Variants in GPR155 observed in about 807,000 individuals in gnomAD.
The protein encoded by GPR155 is G protein-coupled receptor 155, also known as lysosomal cholesterol signaling protein.
In GPR155, 65 loss-of-function variants were observed where a neutral mutation model predicts 93.1. The ratio of observed to expected loss-of-function variants is 0.70; its 90% CI spans 0.57 to 0.86. GPR155 has a LOEUF of 0.86. GPR155 is among the 40% of genes least tolerant of loss of function. GPR155 has a pLI of 0.00. For missense variants in GPR155, 838 were observed against 1,034.8 expected, an observed-to-expected ratio of 0.81 and a Z score of 2.61; for synonymous variants, 319 against 360.1, an observed-to-expected ratio of 0.89 and a Z score of 1.29.
Position 174,461,503 on chromosome 2 carries a change from A to G in GPR155, c.1470-11T>C. 1 of 1,601,590 alleles carries G rather than the reference A, an allele frequency of 6.2e-7. No homozygotes were observed. The highest frequency in any genetic ancestry group is 1.1e-5 in the South Asian group (1 of 90,816). ...AGGAGAGCAGGAATTCTGTAATCAC[A>G]AGTGATATTGGGAGAGAAAAAGAAA... On this transcript the variant is annotated splice_polypyrimidine_tract_variant and intron_variant, in intron 8 of 15. Transcript: ENST00000392552.
rs1686652527 is a variant in GPR155 at position 174,431,815 on chromosome 2, TC to T, written c.*4300del. ...ATATAAAACACTAGTTTCACATTTT[TC>T]TTGCTTTAGAAATTTACTGACCATT... On this transcript the variant is annotated 3_prime_UTR_variant, in exon 16 of 16. Coordinates refer to ENST00000392552, the MANE Select transcript of GPR155 (RefSeq NM_152529.7). The T allele has an allele frequency of 6.6e-6, 1 of 151,818 alleles. No homozygotes were observed. Among genetic ancestry groups the T allele is most frequent in the African/African-American group, 2.4e-5 (1 of 41,412 alleles). The allele number at this position is 151,818 out of a possible 1,614,324, so 9.4% of individuals were successfully genotyped here.
In GPR155 at chr2:174,453,845, T is replaced by A. The variant is rs749245856; in HGVS notation, c.1772-4A>T. ...CCCATGGAGCAGGAGCAGCAACCTA[T>A]ATCAATCAAATAGTATGTGAGAGTA... On this transcript the variant is annotated splice_polypyrimidine_tract_variant and splice_region_variant and intron_variant, in intron 10 of 15. Transcript: ENST00000392552. 1.3e-6 allele frequency: 2 copies of A among 1,596,850 alleles called. No individual in the cohort carries two copies. The highest frequency in any genetic ancestry group is 2.2e-5 in the South Asian group (2 of 90,756).
In GPR155 at chr2:174,481,630, G is replaced by A. The variant is rs768149648; in HGVS notation, c.327C>T (p.Ala109=). The A allele has an allele frequency of 1.2e-6, 2 of 1,613,304 alleles. No homozygotes were observed. The highest frequency in any genetic ancestry group is 2.2e-5 in the South Asian group (2 of 91,042). Residue 109 remains alanine (A), a synonymous_variant, in exon 2 of 16, where the codon GCC becomes GCT. Coordinates refer to ENST00000392552, the MANE Select transcript of GPR155 (RefSeq NM_152529.7). The stretch of plus-strand genomic sequence containing the variant: ...ATACAATGAAAAATACAGAAGCTTT[G>A]GCAATTAAGATACTATATAGGAAGG... ...DWSFLYSILI[A]KASVFFIVCV...
In GPR155 at chr2:174,470,367, C is replaced by T. The variant is rs773650847; in HGVS notation, c.1026+23G>A. ...TTTTTCGACTAAACACACCATCAAA[C>T]TTAGAAAGTACTATATACATACAAT... On this transcript the variant is annotated intron_variant, in intron 4 of 15. Coordinates refer to ENST00000392552, the MANE Select transcript of GPR155 (RefSeq NM_152529.7). The T allele has an allele frequency of 5.1e-6, 8 of 1,572,930 alleles. No individual in the cohort carries two copies. The Admixed American group carries it at 1.3e-4, about 25-fold the overall frequency.
At chr2:174,442,238 C>G in intron 13 of GPR155, 55 bp from the exon 14 acceptor site, 1 of 983,986 alleles carries the variant, frequency 1.0e-6, no homozygotes, top group Non-Finnish European at 1.6e-6. Context: ...CATTTTAAAA[C>G]AGAGAAGTTA....
chr2:174,486,598 G>A (rs1688489156), intron 1 of GPR155, among the ~76,000 whole-genome samples: 1 of 152,246 alleles, frequency 6.6e-6, no homozygotes, highest in Admixed American at 6.5e-5. Flanking sequence ...CGCCCGTGCA[G>A]TGAGGAGCTT....
chr2:174,464,952 A>G (rs1156958768), intron 7 of GPR155, among the ~76,000 whole-genome samples: 6 of 152,098 alleles, frequency 3.9e-5, no homozygotes, highest in Non-Finnish European at 1.5e-5. Flanking sequence ...ACTTCCTGAC[A>G]CCTGCCTCCT....
chr2:174,460,960 T>A (rs1687674175), intron 9 of GPR155, among the ~76,000 whole-genome samples: 1 of 152,176 alleles, frequency 6.6e-6, no homozygotes. Flanking sequence ...ATCTTTGGAC[T>A]CCACTCCTAA....
intron 15 of GPR155, among the ~76,000 whole-genome samples, chr2:174,437,243 A>C (rs569666775): frequency 3.0e-4 from 45 of 152,350 alleles, no homozygotes; most frequent in African/African-American, 1.1e-3. Flanking sequence ...CACAAGCATC[A>C]TTCAGGCTAC....
chr2:174,458,966 T>G (rs1260431775), intron 10 of GPR155, among the ~76,000 whole-genome samples: 2 of 152,040 alleles, frequency 1.3e-5, no homozygotes. Flanking sequence ...CGTGCGACTG[T>G]AGTCTCAGCT....
rs1369104434 is a variant in GPR155 at position 174,431,669 on chromosome 2, T to C, written c.*4447A>G. Reference sequence around the variant, plus strand: ...TGATAACATTTATGATCCTGAACTTTTCTCCAGCCATCACTCATGACAGGA... The same window carrying C: ...TGATAACATTTATGATCCTGAACTTCTCTCCAGCCATCACTCATGACAGGA... On this transcript the variant is annotated 3_prime_UTR_variant, in exon 16 of 16. Transcript: ENST00000392552. The C allele has an allele frequency of 6.6e-6, 1 of 152,242 alleles. No homozygotes were observed. Among genetic ancestry groups the C allele is most frequent in the Non-Finnish European group, 1.5e-5 (1 of 68,046 alleles). The allele number at this position is 152,242 out of a possible 1,614,324, so 9.4% of individuals were successfully genotyped here. A position where few individuals can be genotyped will look rare whatever the true frequency, so the allele number is the denominator to read the frequency against.
Position 174,432,270 on chromosome 2 carries a change from T to G in GPR155, c.*3846A>C, listed in dbSNP as rs1019110556. Reference sequence around the variant, plus strand: ...TAAAATAGGTATTTTATTGAGAAACTTGCTTTGTCAGTGAGAAAGTTAACA... The same window carrying G: ...TAAAATAGGTATTTTATTGAGAAACGTGCTTTGTCAGTGAGAAAGTTAACA... On this transcript the variant is annotated 3_prime_UTR_variant, in exon 16 of 16. Transcript: ENST00000392552. 1 of 152,646 alleles carries G rather than the reference T, an allele frequency of 6.6e-6. No individual in the cohort carries two copies. The highest frequency in any genetic ancestry group is 2.4e-5 in the African/African-American group (1 of 41,454). The allele number at this position is 152,646 out of a possible 1,614,324, so 9.5% of individuals were successfully genotyped here.
chr2:174,456,813 A>G (rs1374497348), intron 10 of GPR155, among the ~76,000 whole-genome samples: 1 of 152,230 alleles, frequency 6.6e-6, no homozygotes, highest in African/African-American at 2.4e-5. Flanking sequence ...AGACAACTAC[A>G]GTATAAGATT....
At position 174,434,312 on chromosome 2, in the gene GPR155, T is replaced by G. The variant is rs897910820; in HGVS notation, c.*1804A>C. ...AAATATTGGCTTGAACTATATAGTT[T>G]TTTTTTTTTTAACTACAGGGAATAA... On this transcript the variant is annotated 3_prime_UTR_variant, in exon 16 of 16. Transcript: ENST00000392552. 11 of 151,370 alleles carry G rather than the reference T, an allele frequency of 7.3e-5. 1 individual carries two copies. Among genetic ancestry groups the G allele is most frequent in the South Asian group, 2.1e-4 (1 of 4,804 alleles). The allele number at this position is 151,370 out of a possible 1,614,324, so 9.4% of individuals were successfully genotyped here. A position where few individuals can be genotyped will look rare whatever the true frequency, so the allele number is the denominator to read the frequency against.
chr2:174,466,492 TA>T, intron 6 of GPR155, 51 bp downstream of exon 6: 1 of 987,802 alleles, frequency 1.0e-6, no homozygotes, highest in Non-Finnish European at 1.6e-6. Context: ...TCCTCTACAG[TA>T]GAATAATCCA....
chr2:174,460,153 C>CTTTTT (rs1559109134), intron 9 of GPR155, 65 bp from the exon 10 acceptor site: 8 of 557,998 alleles, frequency 1.4e-5, no homozygotes, highest in African/African-American at 1.3e-4. Flanking sequence ...TCTTAGGGCA[C>CTTTTT]ATTTTTTTTT....
intron 4 of GPR155, 31 bp downstream of exon 4, chr2:174,470,359 C>A: frequency 6.5e-7 from 1 of 1,546,318 alleles, no homozygotes; most frequent in South Asian, 1.2e-5. Context: ...ACTAAACACA[C>A]CATCAAACTT....
At chr2:174,458,255 C>T (rs1687578814) in intron 10 of GPR155, among the ~76,000 whole-genome samples, 1 of 152,166 alleles carries the variant, frequency 6.6e-6, no homozygotes, top group Non-Finnish European at 1.5e-5. Flanking sequence ...AAGCATTCAT[C>T]AAATATTGAA....
chr2:174,473,843 G>C (rs1375036687), intron 2 of GPR155, among the ~76,000 whole-genome samples: 1 of 152,192 alleles, frequency 6.6e-6, no homozygotes, highest in Non-Finnish European at 1.5e-5. Flanking sequence ...AAAGGAGCAC[G>C]GATGTGGAAT....
Sources: allele counts gnomAD v4.1 joint callset (sites outside exome capture counted in the v4.1 genomes callset), GRCh38; gene constraint gnomAD v4.1.1; transcripts MANE v1.5; gene names NCBI Gene and HGNC (gene_info 2026-07-23, HGNC 2026-07-21).